Variants in SLC24A2 observed in about 807,000 individuals in gnomAD.
SLC24A2 encodes the protein sodium/potassium/calcium exchanger 2.
Under a neutral mutation model 62.0 loss-of-function variants are expected in SLC24A2, and 36 were observed. The observed-to-expected ratio is 0.58, with a 90% confidence interval of 0.44 to 0.77. The LOEUF is 0.77. Among genes scored for constraint, SLC24A2 ranks in the 30% least tolerant of loss-of-function variants. SLC24A2 has a pLI of 0.00. For missense variants in SLC24A2, 846 were observed against 817.9 expected (o/e 1.03, Z -0.42); for synonymous variants, 358 against 294.0 (o/e 1.22, Z -2.23).
chr9:19,523,816 A>T (rs1833308050), intron 9 of SLC24A2, among the ~76,000 whole-genome samples: 1 of 152,204 alleles, frequency 6.6e-6, no homozygotes, highest in Non-Finnish European at 1.5e-5. Flanking sequence ...CCAATTTATT[A>T]GACTGTCAGG....
At chr9:20,126,843 G>A in the SLC24A2 span, among the ~76,000 whole-genome samples, 5 of 152,062 alleles carry the variant, frequency 3.3e-5, no homozygotes, top group Admixed American at 6.6e-5. Flanking sequence ...TAGTGCCAGA[G>A]GCAGGGAATT....
chr9:19,722,445 C>T (rs1821054013), intron 2 of SLC24A2, among the ~76,000 whole-genome samples: 1 of 152,062 alleles, frequency 6.6e-6, no homozygotes, highest in Non-Finnish European at 1.5e-5. Flanking sequence ...TCCTTTGGCA[C>T]TATTACATCT....
intron 2 of SLC24A2, among the ~76,000 whole-genome samples, chr9:19,781,539 G>A (rs1378078023): frequency 6.6e-6 from 1 of 152,098 alleles, no homozygotes; most frequent in African/African-American, 2.4e-5. Context: ...CTCTCAAAAT[G>A]CCTAGTTCAC....
chr9:19,520,598 A>G (rs1265043409), intron 10 of SLC24A2, among the ~76,000 whole-genome samples: 1 of 152,096 alleles, frequency 6.6e-6, no homozygotes, highest in Admixed American at 6.6e-5. Flanking sequence ...ACGGTATCTC[A>G]GTTCCACTTG....
At chr9:20,041,375 T>C in the SLC24A2 span, among the ~76,000 whole-genome samples, 1 of 152,258 alleles carries the variant, frequency 6.6e-6, no homozygotes, top group East Asian at 1.9e-4. Context: ...ACACATGTTT[T>C]TGCTAGTCTT....
the SLC24A2 span, among the ~76,000 whole-genome samples, chr9:20,112,318 C>T: frequency 1.3e-5 from 2 of 152,184 alleles, no homozygotes; most frequent in African/African-American, 4.8e-5. Context: ...CTGCAGGAGG[C>T]TTTAAAACCC....
the SLC24A2 span, among the ~76,000 whole-genome samples, chr9:20,147,552 A>C: frequency 4.6e-5 from 7 of 152,174 alleles, no homozygotes; most frequent in African/African-American, 1.7e-4. Context: ...GCAAGTGCCC[A>C]ATGTAGATAT....
At chr9:20,017,061 G>A in the SLC24A2 span, among the ~76,000 whole-genome samples, 1 of 151,948 alleles carries the variant, frequency 6.6e-6, no homozygotes, top group Non-Finnish European at 1.5e-5. Flanking sequence ...CTCACTCTGT[G>A]GCCCAGGCTG....
chr9:19,778,609 G>A (rs1467716600), intron 2 of SLC24A2, among the ~76,000 whole-genome samples: 2 of 152,174 alleles, frequency 1.3e-5, no homozygotes, highest in African/African-American at 4.8e-5. Flanking sequence ...CGGGTTTGCA[G>A]TCTGAATTTA....
chr9:20,261,770 C>T, the SLC24A2 span, among the ~76,000 whole-genome samples: 4 of 104,964 alleles, frequency 3.8e-5, no homozygotes, highest in African/African-American at 1.6e-4. Flanking sequence ...GACTGAGTCT[C>T]GCTCTGTCAC....
the SLC24A2 span, among the ~76,000 whole-genome samples, chr9:20,258,813 TA>T: frequency 6.0e-5 from 7 of 116,860 alleles, no homozygotes; most frequent in East Asian, 3.1e-3. Context: ...TCTATCTATC[TA>T]CCTTATCTAT....
chr9:19,904,312 C>G, the SLC24A2 span, among the ~76,000 whole-genome samples: 1 of 152,160 alleles, frequency 6.6e-6, no homozygotes, highest in African/African-American at 2.4e-5. Flanking sequence ...TGCCTCTCTC[C>G]TCTAACCCAT....
At chr9:19,675,572 A>G (rs1819538148) in intron 2 of SLC24A2, among the ~76,000 whole-genome samples, 1 of 151,858 alleles carries the variant, frequency 6.6e-6, no homozygotes, top group African/African-American at 2.4e-5. Flanking sequence ...AGGCTAATGG[A>G]GTTATTTTCC....
At chr9:19,922,298 G>A in the SLC24A2 span, among the ~76,000 whole-genome samples, 4 of 152,050 alleles carry the variant, frequency 2.6e-5, no homozygotes, top group Non-Finnish European at 4.4e-5. Context: ...GATTTTCAGG[G>A]GAGCCAAGAG....
chr9:20,070,460 G>C, the SLC24A2 span, among the ~76,000 whole-genome samples: 1 of 152,106 alleles, frequency 6.6e-6, no homozygotes. Context: ...TATATTTTCA[G>C]GGAGCCATCA....
the SLC24A2 span, among the ~76,000 whole-genome samples, chr9:20,210,266 A>C: frequency 5.1e-4 from 77 of 152,348 alleles, 1 homozygote; most frequent in African/African-American, 1.8e-3. Context: ...GGCCTCCCAG[A>C]GTTACAGCTT....
At chr9:20,144,348 T>A in the SLC24A2 span, among the ~76,000 whole-genome samples, 28 of 152,294 alleles carry the variant, frequency 1.8e-4, no homozygotes, top group Non-Finnish European at 2.9e-5. Context: ...ATAAGACAGA[T>A]AACCCAATAA....
At chr9:20,066,142 G>A in the SLC24A2 span, among the ~76,000 whole-genome samples, 1 of 152,298 alleles carries the variant, frequency 6.6e-6, no homozygotes, top group East Asian at 1.9e-4. Context: ...AATATAAAGG[G>A]AGGAGGATCA....
the SLC24A2 span, among the ~76,000 whole-genome samples, chr9:20,108,980 T>C: frequency 6.6e-6 from 1 of 152,190 alleles, no homozygotes; most frequent in African/African-American, 2.4e-5. Flanking sequence ...ATAATGCATA[T>C]TTTAACTGTA....
Sources: gnomAD v4.1 joint callset for allele counts (sites outside exome capture counted in the v4.1 genomes callset) on GRCh38, gnomAD v4.1.1 for gene constraint, MANE v1.5 for transcripts, NCBI Gene and HGNC (gene_info 2026-07-23, HGNC 2026-07-21) for gene names.